Variants in NEB observed in about 807,000 individuals in gnomAD.
NEB encodes the protein nemaline myopathy type 2.
NEB carries 512 observed loss-of-function variants against 952.2 expected under a neutral mutation model. That is an observed-to-expected ratio of 0.54 (90% CI 0.50 to 0.58). NEB has a LOEUF of 0.58. Among genes scored for constraint, NEB ranks in the 20% least tolerant of loss-of-function variants. The pLI is 0.00. For missense variants in NEB, 8,428 were observed against 9,231.1 expected, an observed-to-expected ratio of 0.91 and a Z score of 3.56; for synonymous variants, 2,900 against 3,149.8, an observed-to-expected ratio of 0.92 and a Z score of 2.66.
At chr2:151,622,270 G>A (rs549295899) in intron 71 of NEB, among the ~76,000 whole-genome samples, 4 of 152,288 alleles carry the variant, frequency 2.6e-5, no homozygotes, top group African/African-American at 9.6e-5. Context: ...TTTCAGGCAT[G>A]AGCCACTGCA....
intron 111 of NEB, 57 bp from the exon 112 acceptor site, chr2:151,568,474 G>T: frequency 6.6e-7 from 1 of 1,522,284 alleles, no homozygotes; most frequent in Non-Finnish European, 9.1e-7. Flanking sequence ...AAAGCATCAT[G>T]TTGTCCAAGC....
intron 74 of NEB, 30 bp downstream of exon 74, chr2:151,618,245 G>A (rs202082785): frequency 6.1e-5 from 97 of 1,585,184 alleles, no homozygotes; most frequent in Non-Finnish European, 7.6e-5. Flanking sequence ...GGTAACTTTC[G>A]GTATCTAACA....
intron 178 of NEB, 130 bp downstream of exon 178, chr2:151,491,965 TAGG>T: frequency 9.3e-7 from 1 of 1,074,066 alleles, no homozygotes; most frequent in Non-Finnish European, 1.4e-6. Flanking sequence ...TATGAGATAA[TAGG>T]AGCTTTCTTG....
At position 151,626,915 on chromosome 2, in the gene NEB, AT is replaced by A. The variant is rs968101369; in HGVS notation, c.10347+86del. The A allele has an allele frequency of 2.0e-6, 3 of 1,489,566 alleles. No individual in the cohort carries two copies. In the African/African-American group the frequency reaches 4.2e-5, roughly 21 times the overall value. 92.3% of individuals were successfully genotyped at this position (1,489,566 alleles called of 1,614,324 possible). A position where few individuals can be genotyped will look rare whatever the true frequency, so the allele number is the denominator to read the frequency against. ...ATACATTGGATAGCAATTTAATTGGATTTAAAAAAGAGACTAACTTAATTAA... is the reference window on the plus strand; with the variant it reads ...ATACATTGGATAGCAATTTAATTGGATTAAAAAAGAGACTAACTTAATTAA... On this transcript the variant is annotated intron_variant, in intron 70 of 181. Transcript: ENST00000397345.
At chr2:151,568,244 A>G (rs539868308) in intron 112 of NEB, 66 bp from the exon 113 acceptor site, 2 of 1,589,258 alleles carry the variant, frequency 1.3e-6, no homozygotes, top group Non-Finnish European at 1.7e-6. Flanking sequence ...AGTTGTGTGC[A>G]TAATTATCCT....
At chr2:151,638,049 C>T (rs1227215438) in intron 63 of NEB, among the ~76,000 whole-genome samples, 1 of 152,188 alleles carries the variant, frequency 6.6e-6, no homozygotes, top group Admixed American at 6.5e-5. Flanking sequence ...CAAAAATCTC[C>T]ACAGGCTTAT....
intron 71 of NEB, among the ~76,000 whole-genome samples, chr2:151,622,764 G>T (rs532852115): frequency 4.5e-4 from 69 of 152,230 alleles, no homozygotes; most frequent in Non-Finnish European, 9.0e-4. Flanking sequence ...TTATTGTCTA[G>T]TATTATTCTC....
chr2:151,616,227 G>T, intron 75 of NEB, 118 bp from the exon 76 acceptor site: 1 of 735,728 alleles, frequency 1.4e-6, no homozygotes, highest in African/African-American at 1.8e-5. Context: ...TCAATCATTA[G>T]GGTGGGTTTA....
chr2:151,630,062 A>T (rs998609781), intron 67 of NEB, among the ~76,000 whole-genome samples: 13 of 152,088 alleles, frequency 8.5e-5, no homozygotes, highest in African/African-American at 2.7e-4. Context: ...ATTTTTATTC[A>T]TTTTTATTAC....
intron 161 of NEB, among the ~76,000 whole-genome samples, chr2:151,510,713 A>G (rs2153229515): frequency 6.6e-6 from 1 of 152,314 alleles, no homozygotes; most frequent in Middle Eastern, 3.4e-3. Flanking sequence ...GCTTTGTCAT[A>G]GGTGTATATG....
chr2:151,724,541 A>G (rs1238068269), intron 7 of NEB, among the ~76,000 whole-genome samples, 177 bp from the exon 8 acceptor site: 2 of 152,216 alleles, frequency 1.3e-5, no homozygotes, highest in Admixed American at 1.3e-4. Flanking sequence ...TCAGCTTTTG[A>G]TTGAAAATTC....
chr2:151,697,679 G>T, intron 13 of NEB, 31 bp from the exon 14 acceptor site: 1 of 1,430,628 alleles, frequency 7.0e-7, no homozygotes, highest in Non-Finnish European at 9.7e-7. Flanking sequence ...AGTTAAAGTA[G>T]ATTCCTGTCA....
At chr2:151,541,394 A>G in intron 136 of NEB, 53 bp downstream of exon 136, 3 of 1,423,346 alleles carry the variant, frequency 2.1e-6, no homozygotes, top group Non-Finnish European at 2.9e-6. Context: ...CCAGGCACAT[A>G]TAATCACCCC....
At chr2:151,696,962 T>C (rs1002047964) in intron 16 of NEB, among the ~76,000 whole-genome samples, 186 bp downstream of exon 16, 2 of 152,360 alleles carry the variant, frequency 1.3e-5, no homozygotes, top group Non-Finnish European at 1.5e-5. Context: ...GAAAATGAGC[T>C]AGAATTACCT....
rs2153972081 is a variant in NEB, at chr2:151,610,033, T to C, written c.12106A>G (p.Ile4036Val). The change falls in exon 81 of 182, where the codon ATA becomes GTA. Residue 4036 changes from isoleucine to valine, a missense_variant. Physicochemically the swap from Ile to Val is conservative, Grantham distance 29. This residue lies in a region of NEB where 337 missense variants were observed against 297.5 expected (regional missense o/e 1.13). Coordinates refer to ENST00000397345, the MANE Select transcript of NEB (RefSeq NM_001164508.2). ...IEDDPKIMCA[I>V]HAGKIQSERE... is the part of the protein sequence containing the mutation. ...TCACTTTGAATTTTTCCTGCATGTA[T>C]GGCACACATAATCTTGGGATCATCT... is the stretch of plus-strand genomic sequence containing the variant. 1.2e-6 allele frequency: 2 copies of C among 1,613,930 alleles called. No homozygotes were observed. Among genetic ancestry groups the C allele is most frequent in the East Asian group, 2.2e-5 (1 of 44,850 alleles).
Position 151,618,310 on chromosome 2 carries a change from C to G in NEB, c.11041G>C (p.Val3681Leu), listed in dbSNP as rs751223917. 27 of 1,613,610 alleles carry G rather than the reference C, an allele frequency of 1.7e-5. No individual in the cohort carries two copies. Among genetic ancestry groups the G allele is most frequent in the Non-Finnish European group, 5.1e-6 (6 of 1,179,792 alleles). Reference sequence around the variant, plus strand: ...TTTAAAGCATTGTTTTTTGCCAGCACCTGCTCCGGAGTGTCCGTTATACTG... The same window carrying G: ...TTTAAAGCATTGTTTTTTGCCAGCAGCTGCTCCGGAGTGTCCGTTATACTG... Reference protein sequence around the residue: ...FTSITDTPEQVLAKNNALNMN... With the variant: ...FTSITDTPEQLLAKNNALNMN... Residue 3681 changes from valine (V) to leucine (L), a missense_variant, in exon 74 of 182, where the codon GTG (valine) becomes CTG (leucine). Physicochemically the swap from Val to Leu is conservative, Grantham distance 32 (BLOSUM62 1). This residue lies in a region of NEB where 1,772 missense variants were observed against 1,960.3 expected (regional missense o/e 0.90). Transcript: ENST00000397345.
chr2:151,631,267 T>C lies in NEB; in HGVS notation c.9494A>G (p.Lys3165Arg), dbSNP rs771512413. The change falls in exon 66 of 182, where the codon AAG (lysine) becomes AGG (arginine). Residue 3165 changes from lysine (K) to arginine (R), a missense_variant. By Grantham distance (26) the Lys-to-Arg change is conservative. Coordinates refer to ENST00000397345, the MANE Select transcript of NEB (RefSeq NM_001164508.2). ...PIGSMDVVKC[K>R]RATEILSDNI... ...ATCACTCAGTATTTCGGTAGCTCTC[T>C]TGCACTTGACCACATCCATAGACCC... is the stretch of plus-strand genomic sequence containing the variant. 4 of 1,613,930 alleles carry C rather than the reference T, an allele frequency of 2.5e-6. No individual in the cohort carries two copies. The highest frequency in any genetic ancestry group is 3.4e-6 in the Non-Finnish European group (4 of 1,179,864).
At chr2:151,646,309 G>T (rs2098957005) in intron 54 of NEB, 75 bp from the exon 55 acceptor site, 2 of 1,095,680 alleles carry the variant, frequency 1.8e-6, no homozygotes, top group East Asian at 2.6e-5. Flanking sequence ...AAACAGAATT[G>T]CTGAATTTAT....
At chr2:151,490,569 T>C (rs2055598734) in intron 179 of NEB, 51 bp from the exon 180 acceptor site, 2 of 1,576,048 alleles carry the variant, frequency 1.3e-6, no homozygotes, top group Non-Finnish European at 1.7e-6. Context: ...ATTTCTATGG[T>C]AGTAATGCCT....
Sources: allele counts gnomAD v4.1 joint callset (sites outside exome capture counted in the v4.1 genomes callset), GRCh38; gene constraint gnomAD v4.1.1; regional missense constraint gnomAD v4.1.1; transcripts MANE v1.5; gene names NCBI Gene and HGNC (gene_info 2026-07-23, HGNC 2026-07-21).